DHRSX: variants seen among roughly 807,000 people sequenced by gnomAD.
The protein encoded by DHRSX is dehydrogenase/reductase X-linked, also known as polyprenol dehydrogenase.
Under a neutral mutation model 34.0 loss-of-function variants are expected in DHRSX, and 31 were observed. The ratio of observed to expected loss-of-function variants is 0.91; its 90% CI spans 0.69 to 1.23. The LOEUF is 1.23. DHRSX is among the 50% of genes most tolerant of loss of function. The pLI, the probability that DHRSX is intolerant of heterozygous loss-of-function variation, is 0.00. For missense variants in DHRSX, 414 were observed against 428.1 expected (o/e 0.97, Z 0.29); for synonymous variants, 201 against 183.8 (o/e 1.09, Z -0.76).
chrX:2,256,804 C>CTTTAAA (rs2041286067), intron 5 of DHRSX, among the ~76,000 whole-genome samples: 3 of 149,434 alleles, frequency 2.0e-5, no homozygotes, highest in Non-Finnish European at 3.0e-5. Context: ...AAAAAAAAAG[C>CTTTAAA]AGTATATTTT....
chrX:2,274,530 C>A (rs1386292475), intron 4 of DHRSX, among the ~76,000 whole-genome samples: 3 of 151,930 alleles, frequency 2.0e-5, no homozygotes, highest in Non-Finnish European at 4.4e-5. Context: ...GATTCTTCTG[C>A]CTCAGCCTCC....
chrX:2,229,145 A>C (rs1472479127), intron 6 of DHRSX, among the ~76,000 whole-genome samples: 3 of 152,124 alleles, frequency 2.0e-5, no homozygotes, highest in Non-Finnish European at 4.4e-5. Context: ...ATCTGAGGGC[A>C]CATGTATTTA....
chrX:2,310,703 A>G (rs1427975930), intron 3 of DHRSX, among the ~76,000 whole-genome samples: 1 of 151,836 alleles, frequency 6.6e-6, no homozygotes, highest in Non-Finnish European at 1.5e-5. Context: ...AGAGACAGAG[A>G]GAAAGATTGT....
intron 4 of DHRSX, among the ~76,000 whole-genome samples, chrX:2,267,621 C>A (rs2041492712): frequency 6.6e-6 from 1 of 151,794 alleles, no homozygotes; most frequent in African/African-American, 2.4e-5. Flanking sequence ...GAGAATCATC[C>A]AAGTCACCAA....
chrX:2,471,644 A>G (rs1603138239), intron 1 of DHRSX, among the ~76,000 whole-genome samples: 1 of 152,080 alleles, frequency 6.6e-6, no homozygotes, highest in Admixed American at 6.6e-5. Flanking sequence ...CACCCCAAAG[A>G]TTCCCAATGC....
intron 3 of DHRSX, among the ~76,000 whole-genome samples, chrX:2,325,049 CAGGTG>C (rs1242216112): frequency 6.6e-6 from 1 of 151,560 alleles, no homozygotes; most frequent in African/African-American, 2.4e-5. Flanking sequence ...GCTGGGATGA[CAGGTG>C]TGAGCCACTG....
At position 2,380,653 on chromosome X, in the gene DHRSX, A is replaced by G. The variant is rs142350297; in HGVS notation, c.286+28092T>C. The stretch of plus-strand genomic sequence containing the variant: ...GGCGGATTTCCCCCTTGCTGTTCTC[A>G]TGATAGTGAGTGAGTTCTCACGAGG... On this transcript the variant is annotated intron_variant, in intron 3 of 6. Coordinates refer to ENST00000334651, the MANE Select transcript of DHRSX (RefSeq NM_145177.3). 8.4e-3 allele frequency among the ~76,000 whole-genome samples: 1,283 copies of G among 152,096 alleles called. 31 individuals carry two copies. In the East Asian group the frequency reaches 0.093, roughly 11 times the overall value.
intron 3 of DHRSX, among the ~76,000 whole-genome samples, chrX:2,350,221 G>T (rs1203483685): frequency 1.3e-5 from 2 of 151,586 alleles, no homozygotes; most frequent in African/African-American, 4.9e-5. Context: ...CATGGTGGCG[G>T]GTGCCTGTAG....
At chrX:2,399,719 A>G (rs28672950) in intron 3 of DHRSX, among the ~76,000 whole-genome samples, 23,575 of 126,900 alleles carry the variant, frequency 0.19, 2,641 homozygotes, top group Middle Eastern at 0.3. Context: ...ACAAACAAAC[A>G]AAAAGCAAAA....
intron 4 of DHRSX, among the ~76,000 whole-genome samples, chrX:2,287,549 T>A (rs986197914): frequency 6.7e-6 from 1 of 149,110 alleles, no homozygotes; most frequent in African/African-American, 2.5e-5. Context: ...CCCGAAGATG[T>A]CCATATCCGA....
At chrX:2,412,551 C>T (rs2043645248) in intron 2 of DHRSX, among the ~76,000 whole-genome samples, 1 of 151,606 alleles carries the variant, frequency 6.6e-6, no homozygotes, top group Non-Finnish European at 1.5e-5. Flanking sequence ...GATCATTATG[C>T]CTACCATAGG....
intron 3 of DHRSX, among the ~76,000 whole-genome samples, chrX:2,330,741 G>A (rs1048824494): frequency 1.3e-5 from 2 of 151,354 alleles, no homozygotes; most frequent in Non-Finnish European, 2.9e-5. Flanking sequence ...AGGAGGGGAA[G>A]AGGAGGGAAG....
chrX:2,330,942 G>C (rs2042464768), intron 3 of DHRSX, among the ~76,000 whole-genome samples: 1 of 152,112 alleles, frequency 6.6e-6, no homozygotes, highest in Non-Finnish European at 1.5e-5. Flanking sequence ...ACTGATGAAG[G>C]AGGAGCAGGA....
chrX:2,405,505 C>T (rs1404222104), intron 3 of DHRSX, among the ~76,000 whole-genome samples: 1 of 148,042 alleles, frequency 6.8e-6, no homozygotes, highest in African/African-American at 2.5e-5. Flanking sequence ...TAATAATAAT[C>T]GTCATCATCA....
intron 4 of DHRSX, among the ~76,000 whole-genome samples, chrX:2,289,276 C>A (rs1475745009): frequency 6.6e-6 from 1 of 152,044 alleles, no homozygotes; most frequent in Non-Finnish European, 1.5e-5. Context: ...CGCCACCACG[C>A]CTGGCTAATA....
At chrX:2,427,276 G>A (rs947855414) in intron 1 of DHRSX, among the ~76,000 whole-genome samples, 1 of 152,314 alleles carries the variant, frequency 6.6e-6, no homozygotes, top group Admixed American at 6.5e-5. Context: ...GCACATGGAA[G>A]GAGGGAAGAG....
At chrX:2,372,895 A>T (rs1489512396) in intron 3 of DHRSX, among the ~76,000 whole-genome samples, 2 of 152,148 alleles carry the variant, frequency 1.3e-5, no homozygotes, top group Admixed American at 6.6e-5. Context: ...TACAGGCGTC[A>T]GCCACCGCGC....
At chrX:2,415,956 A>G (rs1475859763) in intron 2 of DHRSX, among the ~76,000 whole-genome samples, 1 of 151,754 alleles carries the variant, frequency 6.6e-6, no homozygotes, top group African/African-American at 2.4e-5. Flanking sequence ...TAATACAACT[A>G]GTTCTCATCA....
chrX:2,418,982 C>A (rs1242524924), intron 2 of DHRSX, among the ~76,000 whole-genome samples: 1 of 152,146 alleles, frequency 6.6e-6, no homozygotes, highest in East Asian at 1.9e-4. Flanking sequence ...GTAAACAGAT[C>A]ATGGAGGTGC....
Sources: allele counts gnomAD v4.1 joint callset (sites outside exome capture counted in the v4.1 genomes callset), GRCh38; gene constraint gnomAD v4.1.1; transcripts MANE v1.5; gene names NCBI Gene and HGNC (gene_info 2026-07-23, HGNC 2026-07-21).